Variants in RCOR1 observed in about 807,000 individuals in gnomAD.
RCOR1 encodes the protein REST corepressor 1, also known as REST corepressor.
RCOR1 carries 12 observed loss-of-function variants against 64.0 expected under a neutral mutation model. The observed-to-expected ratio is 0.19, with a 90% CI of 0.12 to 0.30. RCOR1 has a LOEUF of 0.30. Ranked by LOEUF, RCOR1 falls within the 10% of genes least tolerant of loss-of-function variation. The pLI is 1.00. For missense variants in RCOR1, 502 were observed against 621.2 expected (o/e 0.81, Z 2.04); for synonymous variants, 279 against 227.2 (o/e 1.23, Z -2.05).
intron 2 of RCOR1, among the ~76,000 whole-genome samples, chr14:102,653,920 C>CTTCCTTCTTTCT (rs1894646978): frequency 1.0e-5 from 1 of 98,874 alleles, no homozygotes; most frequent in Non-Finnish European, 2.0e-5. Context: ...CAGGTATTTC[C>CTTCCTTCTTTCT]TTCTTTCTTT....
At chr14:102,681,250 A>C (rs929243908) in intron 2 of RCOR1, among the ~76,000 whole-genome samples, 8 of 152,238 alleles carry the variant, frequency 5.3e-5, no homozygotes, top group African/African-American at 1.9e-4. Context: ...AGAATGAATA[A>C]GTCTGGGCCT....
chr14:102,682,375 C>CTGAAGTCA (rs1441998659), intron 3 of RCOR1, among the ~76,000 whole-genome samples: 7 of 152,204 alleles, frequency 4.6e-5, no homozygotes, highest in Non-Finnish European at 8.8e-5. Context: ...GGTGATCCGC[C>CTGAAGTCA]TGCCATGGCC....
At chr14:102,674,466 T>C (rs1436305479) in intron 2 of RCOR1, among the ~76,000 whole-genome samples, 2 of 152,236 alleles carry the variant, frequency 1.3e-5, no homozygotes, top group Non-Finnish European at 2.9e-5. Flanking sequence ...TCTGTTCTTA[T>C]TCTTTTTTTT....
intron 3 of RCOR1, among the ~76,000 whole-genome samples, chr14:102,689,112 C>T (rs1036577112): frequency 1.3e-5 from 2 of 152,140 alleles, no homozygotes; most frequent in Non-Finnish European, 2.9e-5. Flanking sequence ...AGCAGCTGAA[C>T]GTTAACAAAG....
chr14:102,649,855 T>A, intron 2 of RCOR1: 1 of 880,350 alleles, frequency 1.1e-6, no homozygotes. Flanking sequence ...ATTGGTTATC[T>A]AACTTGGTTG....
chr14:102,621,118 C>T (rs1280665531), intron 2 of RCOR1, among the ~76,000 whole-genome samples: 1 of 152,174 alleles, frequency 6.6e-6, no homozygotes, highest in Non-Finnish European at 1.5e-5. Flanking sequence ...TACAGGTGTG[C>T]ACCACCATGC....
At chr14:102,701,371 G>T (rs772019948) in intron 4 of RCOR1, 41 bp downstream of exon 4, 1 of 1,422,198 alleles carries the variant, frequency 7.0e-7, no homozygotes, top group Non-Finnish European at 9.5e-7. Flanking sequence ...TAAAAAATGA[G>T]TATTTGTAAC....
chr14:102,610,119 A>G (rs1298286986), intron 2 of RCOR1, among the ~76,000 whole-genome samples: 2 of 151,884 alleles, frequency 1.3e-5, no homozygotes, highest in Non-Finnish European at 2.9e-5. Context: ...AACAAGAGCG[A>G]AACTCCATCT....
At chr14:102,711,477 G>C (rs545779195) in intron 7 of RCOR1, among the ~76,000 whole-genome samples, 5 of 152,334 alleles carry the variant, frequency 3.3e-5, no homozygotes, top group Non-Finnish European at 7.3e-5. Context: ...GGTCACACCA[G>C]GGGGAGCCAG....
intron 2 of RCOR1, chr14:102,662,649 C>T (rs1894847837): frequency 2.2e-6 from 1 of 449,020 alleles, no homozygotes; most frequent in Admixed American, 2.8e-5. Context: ...CCTTCACAGC[C>T]TTTGCTTTGG....
intron 3 of RCOR1, among the ~76,000 whole-genome samples, chr14:102,688,581 C>T (rs551149991): frequency 8.5e-5 from 13 of 152,098 alleles, no homozygotes; most frequent in African/African-American, 2.4e-4. Flanking sequence ...TGTTAAAAGG[C>T]GGCATGATGG....
intron 2 of RCOR1, among the ~76,000 whole-genome samples, chr14:102,609,581 A>G (rs1427291333): frequency 6.6e-6 from 1 of 151,726 alleles, no homozygotes; most frequent in Non-Finnish European, 1.5e-5. Flanking sequence ...ATGGGATTGT[A>G]AGCATGTACC....
intron 3 of RCOR1, among the ~76,000 whole-genome samples, chr14:102,693,797 C>T (rs1436452275): frequency 6.6e-6 from 1 of 152,120 alleles, no homozygotes; most frequent in African/African-American, 2.4e-5. Context: ...GCTTGTATTT[C>T]TGTTTATCTG....
chr14:102,699,631 A>G, intron 3 of RCOR1, among the ~76,000 whole-genome samples: 1 of 152,166 alleles, frequency 6.6e-6, no homozygotes, highest in East Asian at 1.9e-4. Flanking sequence ...GGGAAAGTGG[A>G]TCACTCTGAG....
At chr14:102,692,469 A>ACG (rs1192515489) in intron 3 of RCOR1, among the ~76,000 whole-genome samples, 3 of 150,858 alleles carry the variant, frequency 2.0e-5, no homozygotes, top group Admixed American at 6.6e-5. Flanking sequence ...ACACACACAC[A>ACG]CACGCTTATT....
intron 2 of RCOR1, among the ~76,000 whole-genome samples, chr14:102,672,872 G>A (rs922204194): frequency 6.6e-6 from 1 of 152,192 alleles, no homozygotes; most frequent in African/African-American, 2.4e-5. Context: ...TATAGAGTGA[G>A]AAATAACTCA....
At chr14:102,614,222 CTCTT>C (rs948617980) in intron 2 of RCOR1, among the ~76,000 whole-genome samples, 5 of 116,504 alleles carry the variant, frequency 4.3e-5, no homozygotes, top group Non-Finnish European at 6.9e-5. Context: ...AAACATCTGG[CTCTT>C]TTTTTTTTTT....
At chr14:102,718,030 A>G (rs1450046911) in intron 8 of RCOR1, among the ~76,000 whole-genome samples, 1 of 152,196 alleles carries the variant, frequency 6.6e-6, no homozygotes, top group African/African-American at 2.4e-5. Flanking sequence ...TTCTGAAAAT[A>G]ACAGCAAACT....
chr14:102,710,736 A>C (rs1189072519), intron 6 of RCOR1, 199 bp from the exon 7 acceptor site: 1 of 553,492 alleles, frequency 1.8e-6, no homozygotes, highest in Non-Finnish European at 3.2e-6. Context: ...GACTGAAAGA[A>C]CTATGGAGTT....
Sources: gnomAD v4.1 joint callset for allele counts (sites outside exome capture counted in the v4.1 genomes callset) on GRCh38, gnomAD v4.1.1 for gene constraint, MANE v1.5 for transcripts, NCBI Gene and HGNC (gene_info 2026-07-23, HGNC 2026-07-21) for gene names.